The following NRXN1 variants were observed in gnomAD, a reference collection of about 807,000 sequenced individuals.
NRXN1 encodes the protein neurexin-1.
NRXN1 carries 39 observed loss-of-function variants against 150.9 expected under a neutral mutation model. The ratio of observed to expected loss-of-function variants is 0.26; its 90% CI spans 0.20 to 0.34. The LOEUF (loss-of-function observed/expected upper bound fraction) is 0.34. Among genes scored for constraint, NRXN1 ranks in the 10% least tolerant of loss-of-function variants. NRXN1 has a pLI of 1.00. For synonymous variants in NRXN1, 924 were observed against 757.0 expected (o/e 1.22, Z -3.62); for missense variants, 1,815 against 1,949.9 (o/e 0.93, Z 1.30).
At chr2:51,019,846 A>G (rs1013067513) in intron 2 of NRXN1, among the ~76,000 whole-genome samples, 10 of 152,052 alleles carry the variant, frequency 6.6e-5, no homozygotes, top group African/African-American at 2.4e-4. Flanking sequence ...TACAGTGTTT[A>G]AAACAGAGTA....
chr2:50,406,920 G>T (rs1316983644), intron 17 of NRXN1, among the ~76,000 whole-genome samples: 3 of 151,888 alleles, frequency 2.0e-5, no homozygotes, highest in African/African-American at 7.3e-5. Context: ...TTTTTGCATT[G>T]ATTGATCATC....
At chr2:50,348,390 A>C (rs560895592) in intron 17 of NRXN1, among the ~76,000 whole-genome samples, 1 of 152,338 alleles carries the variant, frequency 6.6e-6, no homozygotes, top group Non-Finnish European at 1.5e-5. Flanking sequence ...AGAAACAGGA[A>C]GAAAGCAGAA....
intron 8 of NRXN1, among the ~76,000 whole-genome samples, chr2:50,603,347 A>C (rs565278153): frequency 6.6e-6 from 1 of 152,194 alleles, no homozygotes; most frequent in Non-Finnish European, 1.5e-5. Context: ...TGGCTGGCTC[A>C]GAAAGGCTGT....
At chr2:50,546,147 T>C (rs2093489267) in intron 9 of NRXN1, among the ~76,000 whole-genome samples, 1 of 152,118 alleles carries the variant, frequency 6.6e-6, no homozygotes, top group Non-Finnish European at 1.5e-5. Context: ...AACTAAATCT[T>C]AATCAAAAGA....
At chr2:50,385,793 G>T (rs1480093336) in intron 17 of NRXN1, among the ~76,000 whole-genome samples, 3 of 151,894 alleles carry the variant, frequency 2.0e-5, no homozygotes, top group Admixed American at 6.6e-5. Context: ...GTAACAGAAG[G>T]CATGCCTCTT....
intron 21 of NRXN1, among the ~76,000 whole-genome samples, chr2:50,045,678 C>G (rs1188150853): frequency 6.6e-6 from 1 of 152,044 alleles, no homozygotes. Context: ...GACAATTAAA[C>G]TAGGTTATAT....
chr2:50,337,676 A>G (rs2077282508), intron 17 of NRXN1, among the ~76,000 whole-genome samples: 1 of 152,228 alleles, frequency 6.6e-6, no homozygotes, highest in Non-Finnish European at 1.5e-5. Flanking sequence ...CTTTCTCTGC[A>G]CAGGCTTTTA....
At chr2:50,661,092 T>C (rs1158337856) in intron 5 of NRXN1, among the ~76,000 whole-genome samples, 5 of 152,126 alleles carry the variant, frequency 3.3e-5, no homozygotes, top group East Asian at 3.9e-4. Flanking sequence ...TGCCCATATA[T>C]ATATACTAGT....
chr2:50,017,427 G>C (rs995869601), intron 21 of NRXN1, among the ~76,000 whole-genome samples: 7 of 152,030 alleles, frequency 4.6e-5, no homozygotes, highest in Admixed American at 3.9e-4. Flanking sequence ...AATAATAAAA[G>C]CTACAACAAA....
At chr2:50,680,059 G>T (rs1016324030) in intron 5 of NRXN1, among the ~76,000 whole-genome samples, 2 of 152,022 alleles carry the variant, frequency 1.3e-5, no homozygotes, top group Non-Finnish European at 2.9e-5. Context: ...TAAGGTGGGA[G>T]GATTGTTTGA....
intron 5 of NRXN1, among the ~76,000 whole-genome samples, chr2:50,809,627 G>A (rs887368614): frequency 3.3e-5 from 5 of 151,998 alleles, no homozygotes. Context: ...GAAAACATAA[G>A]AAGAATGTTA....
Position 51,017,484 on chromosome 2 carries a change from G to A in NRXN1, c.772+10018C>T, listed in dbSNP as rs574500064. Among the ~76,000 whole-genome samples, 9 of 118,950 alleles carry A rather than the reference G, an allele frequency of 7.6e-5. 1 individual carries two copies. The highest frequency in any genetic ancestry group is 5.4e-4 in the East Asian group (2 of 3,690). The allele number at this position is 118,950 out of a possible 152,430, so 78.0% of individuals were successfully genotyped here. A position where few individuals can be genotyped will look rare whatever the true frequency, so the allele number is the denominator to read the frequency against. ...CTGACTAGCTGGGACTACAATACACGTATGGCCACCACATCTGGCTTTTTT... is the reference window on the plus strand; with the variant it reads ...CTGACTAGCTGGGACTACAATACACATATGGCCACCACATCTGGCTTTTTT... On this transcript the variant is annotated intron_variant, in intron 2 of 22. Coordinates refer to ENST00000401669, the MANE Select transcript of NRXN1 (RefSeq NM_001330078.2).
chr2:50,737,658 T>C (rs1698930905), intron 5 of NRXN1, among the ~76,000 whole-genome samples: 1 of 152,134 alleles, frequency 6.6e-6, no homozygotes, highest in South Asian at 2.1e-4. Context: ...CATTTAATAA[T>C]TTTGGATGAT....
chr2:50,281,219 A>C (rs1028662540), intron 17 of NRXN1, among the ~76,000 whole-genome samples: 4 of 151,184 alleles, frequency 2.6e-5, no homozygotes, highest in Non-Finnish European at 4.4e-5. Context: ...CGGGAGGCTG[A>C]GGCAGGAGAA....
chr2:50,449,856 C>T (rs1039416912), intron 17 of NRXN1, among the ~76,000 whole-genome samples: 2 of 152,048 alleles, frequency 1.3e-5, no homozygotes, highest in Non-Finnish European at 2.9e-5. Flanking sequence ...GAGGATGTTA[C>T]CATACATCAT....
At position 50,032,627 on chromosome 2, in the gene NRXN1, A is replaced by T. The variant is rs545639107; in HGVS notation, c.4128+20644T>A. On this transcript the variant is annotated intron_variant, in intron 21 of 22. Coordinates refer to ENST00000401669, the MANE Select transcript of NRXN1 (RefSeq NM_001330078.2). ...TTCATAGGTTGAAACCCTAACCCCC[A>T]ATGTGACTTATTTGAAGAGAGGAAC... Among the ~76,000 whole-genome samples the T allele has an allele frequency of 4.6e-5, 7 of 152,096 alleles. No individual in the cohort carries two copies. In the East Asian group the frequency reaches 1.2e-3, roughly 25 times the overall value.
intron 17 of NRXN1, among the ~76,000 whole-genome samples, chr2:50,418,033 TTCTTCC>T (rs2083682048): frequency 6.6e-6 from 1 of 151,978 alleles, no homozygotes; most frequent in African/African-American, 2.4e-5. Flanking sequence ...AGATTACTAG[TTCTTCC>T]AGAGGTCTAA....
chr2:50,263,309 C>G (rs1336392268), intron 17 of NRXN1, among the ~76,000 whole-genome samples: 1 of 151,936 alleles, frequency 6.6e-6, no homozygotes, highest in Non-Finnish European at 1.5e-5. Context: ...CTTCATATAA[C>G]TGTCCCATAC....
At chr2:50,737,853 CTT>C (rs1319195079) in intron 5 of NRXN1, among the ~76,000 whole-genome samples, 1 of 151,758 alleles carries the variant, frequency 6.6e-6, no homozygotes, top group African/African-American at 2.4e-5. Context: ...CAACAAGGCT[CTT>C]GTGTGGAAAA....
Sources: allele counts gnomAD v4.1 joint callset (sites outside exome capture counted in the v4.1 genomes callset), GRCh38; gene constraint gnomAD v4.1.1; transcripts MANE v1.5; gene names NCBI Gene and HGNC (gene_info 2026-07-23, HGNC 2026-07-21).